XRCC6: variants seen among roughly 807,000 people sequenced by gnomAD.
XRCC6 encodes the protein DNA repair protein Ku70.
Under a neutral mutation model 65.7 loss-of-function variants are expected in XRCC6, and 5 were observed. That is an observed-to-expected ratio of 0.08 (90% CI 0.04 to 0.16). The LOEUF is 0.16. XRCC6 is among the 10% of genes least tolerant of loss of function. XRCC6 has a pLI of 1.00. For missense variants in XRCC6, 447 were observed against 738.1 expected (o/e 0.61, Z 4.57); for synonymous variants, 270 against 270.6 (o/e 1.00, Z 0.02).
Position 41,628,200 on chromosome 22 carries a change from T to C in XRCC6, c.165T>C (p.Asp55=). Residue 55 remains aspartate, a synonymous_variant, in exon 3 of 13, where the codon GAT becomes GAC. Transcript: ENST00000360079. ...CTATGTTTGAATCTCAGAGTGAAGA[T>C]GAGTTGACACCTTTTGACATGAGCA... is the stretch of plus-strand genomic sequence containing the variant. ...SKAMFESQSE[D]ELTPFDMSIQ... 1 of 1,613,722 alleles carries C rather than the reference T, an allele frequency of 6.2e-7. No homozygotes were observed. Among genetic ancestry groups the C allele is most frequent in the South Asian group, 1.1e-5 (1 of 91,000 alleles).
At chr22:41,647,243 C>G (rs2067941577) in intron 7 of XRCC6, among the ~76,000 whole-genome samples, 161 bp downstream of exon 7, 3 of 152,158 alleles carry the variant, frequency 2.0e-5, no homozygotes. Context: ...GGATCACAGG[C>G]ATGTGACATC....
intron 6 of XRCC6, among the ~76,000 whole-genome samples, chr22:41,640,274 G>A (rs1464227648): frequency 1.3e-5 from 2 of 151,822 alleles, no homozygotes; most frequent in Admixed American, 1.3e-4. Context: ...TCAGCCTCCC[G>A]AGTAGCTGGG....
chr22:41,661,253 C>A, intron 11 of XRCC6, 78 bp from the exon 12 acceptor site: 1 of 1,263,560 alleles, frequency 7.9e-7, no homozygotes. Flanking sequence ...TCTTCTGGTT[C>A]TCAGAGAGTT....
intron 7 of XRCC6, among the ~76,000 whole-genome samples, chr22:41,649,358 T>C (rs1437146563): frequency 3.3e-5 from 5 of 150,206 alleles, no homozygotes; most frequent in Non-Finnish European, 5.9e-5. Context: ...TTTTTTTTCA[T>C]AGAGACAGGA....
chr22:41,643,396 G>A (rs2067898531), intron 6 of XRCC6, among the ~76,000 whole-genome samples: 1 of 152,024 alleles, frequency 6.6e-6, no homozygotes, highest in South Asian at 2.1e-4. Flanking sequence ...GCGACAGAGC[G>A]AGACTCCATC....
chr22:41,658,583 C>G (rs934693741), intron 11 of XRCC6, among the ~76,000 whole-genome samples: 1 of 152,198 alleles, frequency 6.6e-6, no homozygotes, highest in Non-Finnish European at 1.5e-5. Flanking sequence ...TGCCTCTGCA[C>G]TAGGCCGCCC....
At chr22:41,626,039 C>T (rs375512342) in intron 2 of XRCC6, among the ~76,000 whole-genome samples, 3 of 151,974 alleles carry the variant, frequency 2.0e-5, no homozygotes, top group African/African-American at 7.2e-5. Flanking sequence ...GGCGTTTCAC[C>T]ATGTTGTCCA....
intron 10 of XRCC6, among the ~76,000 whole-genome samples, chr22:41,657,306 T>A (rs1310948561): frequency 6.6e-6 from 1 of 152,138 alleles, no homozygotes; most frequent in East Asian, 1.9e-4. Flanking sequence ...TTCGCCCTTC[T>A]CCTTGATTGT....
intron 2 of XRCC6, 82 bp downstream of exon 2, chr22:41,622,168 G>T: frequency 7.0e-7 from 1 of 1,423,760 alleles, no homozygotes; most frequent in South Asian, 1.2e-5. Flanking sequence ...GGACTTTGCT[G>T]TTTGATGGCC....
At chr22:41,643,013 C>T (rs1241552030) in intron 6 of XRCC6, among the ~76,000 whole-genome samples, 3 of 152,214 alleles carry the variant, frequency 2.0e-5, no homozygotes, top group Non-Finnish European at 2.9e-5. Context: ...TGTATATCTT[C>T]GAACTATACA....
intron 9 of XRCC6, among the ~76,000 whole-genome samples, chr22:41,654,884 C>G (rs1013743567): frequency 3.9e-5 from 6 of 152,206 alleles, no homozygotes; most frequent in Admixed American, 3.9e-4. Flanking sequence ...GGGCCGCAAC[C>G]ACAGTTTTGC....
intron 6 of XRCC6, among the ~76,000 whole-genome samples, chr22:41,639,647 G>A (rs907435306): frequency 8.0e-6 from 1 of 125,438 alleles, no homozygotes; most frequent in Non-Finnish European, 1.6e-5. Context: ...ATGTGTCCAT[G>A]TGTAGCCTAG....
At chr22:41,658,402 G>T (rs369043204) in intron 11 of XRCC6, 50 bp downstream of exon 11, 14 of 1,554,684 alleles carry the variant, frequency 9.0e-6, no homozygotes, top group East Asian at 9.0e-5. Flanking sequence ...TTTCTTACTG[G>T]TTCCACTCTG....
At chr22:41,621,910 A>G in intron 1 of XRCC6, 80 bp from the exon 2 acceptor site, 1 of 1,382,098 alleles carries the variant, frequency 7.2e-7, no homozygotes, top group Non-Finnish European at 1.0e-6. Flanking sequence ...AGCTTTTAGA[A>G]CAGATCTCAC....
intron 9 of XRCC6, among the ~76,000 whole-genome samples, chr22:41,654,436 C>T (rs1220799519): frequency 6.6e-6 from 1 of 152,158 alleles, no homozygotes; most frequent in Non-Finnish European, 1.5e-5. Flanking sequence ...CTAATTTCAT[C>T]TTTCACAGCT....
At chr22:41,646,389 T>C (rs545766858) in intron 6 of XRCC6, among the ~76,000 whole-genome samples, 13 of 152,236 alleles carry the variant, frequency 8.5e-5, no homozygotes, top group Admixed American at 7.9e-4. Context: ...TGTGAGGTGA[T>C]TGATATAGTG....
At chr22:41,646,855 C>T (rs760510602) in intron 6 of XRCC6, 41 bp from the exon 7 acceptor site, 14 of 1,517,466 alleles carry the variant, frequency 9.2e-6, no homozygotes, top group Non-Finnish European at 1.2e-5. Flanking sequence ...TAGAAAAGTG[C>T]AGTTTTTCAG....
chr22:41,627,629 A>AAT (rs1555903331), intron 2 of XRCC6, among the ~76,000 whole-genome samples: 1 of 150,846 alleles, frequency 6.6e-6, no homozygotes, highest in African/African-American at 2.5e-5. Context: ...AAAAAAAAAA[A>AAT]ATAGAGGCCT....
Position 41,636,229 on chromosome 22 carries a change from C to T in XRCC6, c.312C>T (p.Val104=), listed in dbSNP as rs143109596. Residue 104 remains valine, a synonymous_variant, in exon 4 of 13, where the codon GTC becomes GTT. Transcript: ENST00000360079. ...KNSVNFKNIY[V]LQELDNPGAK... ...CAGTGAATTTTAAAAATATTTACGTCTTACAGGAGCTGGATAATCCAGGTC... is the reference window on the plus strand; with the variant it reads ...CAGTGAATTTTAAAAATATTTACGTTTTACAGGAGCTGGATAATCCAGGTC... 5.0e-6 allele frequency: 8 copies of T among 1,598,362 alleles called. No homozygotes were observed. Among genetic ancestry groups the T allele is most frequent in the East Asian group, 2.2e-5 (1 of 44,790 alleles).
Sources: gnomAD v4.1 joint callset for allele counts (sites outside exome capture counted in the v4.1 genomes callset) on GRCh38, gnomAD v4.1.1 for gene constraint, MANE v1.5 for transcripts, NCBI Gene and HGNC (gene_info 2026-07-23, HGNC 2026-07-21) for gene names.